The following RAB5C variants were observed in gnomAD, a reference collection of about 807,000 sequenced individuals.
The protein encoded by RAB5C is RAB5C, member RAS oncogene family, also known as ras-related protein Rab-5C.
In RAB5C, 4 loss-of-function variants were observed where a neutral mutation model predicts 25.2. The ratio of observed to expected loss-of-function variants is 0.16; its 90% CI spans 0.08 to 0.36. The LOEUF (loss-of-function observed/expected upper bound fraction) is 0.36. RAB5C is among the 10% of genes least tolerant of loss of function. The probability of loss-of-function intolerance (pLI) is 1.00; values close to 1 mark genes in which losing one functional copy is unlikely to be tolerated. For missense variants in RAB5C, 199 were observed against 283.8 expected (o/e 0.70, Z 2.15); for synonymous variants, 100 against 106.4 (o/e 0.94, Z 0.37).
intron 1 of RAB5C, among the ~76,000 whole-genome samples, chr17:42,144,725 G>A (rs1389657102): frequency 2.6e-5 from 4 of 151,612 alleles, no homozygotes; most frequent in South Asian, 2.1e-4. Flanking sequence ...TCAGGAGATC[G>A]AGACCATCCT....
In RAB5C at chr17:42,130,498, G is replaced by A; in HGVS notation, c.5C>T (p.Ala2Val). M[A>V]GRGGAARPNG... is the part of the protein sequence containing the mutation. ...GGGTCGTGCTGCGCCTCCCCGACCC[G>A]CCATTGCCCGTCCAGCTGTAGTGGT... The change falls in exon 2 of 6, where the codon GCG becomes GTG. Residue 2 changes from alanine to valine, a missense_variant. This residue lies in a region of RAB5C where 21 missense variants were observed against 20.2 expected (regional missense o/e 1.04). Coordinates refer to ENST00000346213, the MANE Select transcript of RAB5C (RefSeq NM_004583.4). 3 of 1,613,962 alleles carry A rather than the reference G, an allele frequency of 1.9e-6. No homozygotes were observed. The highest frequency in any genetic ancestry group is 2.5e-6 in the Non-Finnish European group (3 of 1,180,002).
Position 42,131,496 on chromosome 17 carries a change from A to G in RAB5C, c.-88-906T>C, listed in dbSNP as rs1187218359. 4.6e-6 allele frequency: 5 copies of G among 1,089,158 alleles called. No homozygotes were observed. In the East Asian group the frequency reaches 1.0e-4, roughly 23 times the overall value. The allele number at this position is 1,089,158 out of a possible 1,614,324, so 67.5% of individuals were successfully genotyped here. ...CACACACAGAAATACACACCAAAACAGACACCAAAACAAAACACACACCGA... is the reference window on the plus strand; with the variant it reads ...CACACACAGAAATACACACCAAAACGGACACCAAAACAAAACACACACCGA... On this transcript the variant is annotated intron_variant, in intron 1 of 5. Transcript: ENST00000346213.
At chr17:42,134,941 C>G (rs1188326783) in intron 1 of RAB5C, among the ~76,000 whole-genome samples, 2 of 151,538 alleles carry the variant, frequency 1.3e-5, no homozygotes, top group African/African-American at 4.8e-5. Context: ...GCTCTGGACA[C>G]TACAGGTCAG....
At chr17:42,151,456 G>T (rs1419575407) in intron 1 of RAB5C, among the ~76,000 whole-genome samples, 6 of 151,956 alleles carry the variant, frequency 3.9e-5, no homozygotes, top group Middle Eastern at 3.2e-3. Flanking sequence ...AAAAGAAGTA[G>T]AAGGTCTAAG....
chr17:42,142,094 G>C (rs1355636760), intron 1 of RAB5C, among the ~76,000 whole-genome samples: 3 of 151,804 alleles, frequency 2.0e-5, no homozygotes, highest in Non-Finnish European at 4.4e-5. Context: ...CAAAAATGGA[G>C]GGGAGAAACC....
At chr17:42,152,866 G>A (rs2079681315) in intron 1 of RAB5C, among the ~76,000 whole-genome samples, 1 of 152,132 alleles carries the variant, frequency 6.6e-6, no homozygotes, top group Non-Finnish European at 1.5e-5. Context: ...AGGCTGGTCG[G>A]CCTCATCCCA....
intron 1 of RAB5C, among the ~76,000 whole-genome samples, chr17:42,150,544 CAA>C (rs759878778): frequency 1.1e-3 from 21 of 19,380 alleles, no homozygotes; most frequent in African/African-American, 3.8e-3. Flanking sequence ...AACTCCATCT[CAA>C]AAAAAAAAAA....
chr17:42,138,891 G>A (rs1451923815), intron 1 of RAB5C, among the ~76,000 whole-genome samples: 1 of 152,202 alleles, frequency 6.6e-6, no homozygotes, highest in Non-Finnish European at 1.5e-5. Context: ...TCCCTTGTGT[G>A]GGAAGTCTTG....
chr17:42,126,713 C>A, intron 5 of RAB5C, 42 bp downstream of exon 5: 2 of 1,340,160 alleles, frequency 1.5e-6, no homozygotes, highest in Non-Finnish European at 2.1e-6. Flanking sequence ...GGTGATATGC[C>A]CTTGCTGTGG....
At chr17:42,135,882 C>A (rs546076276) in intron 1 of RAB5C, among the ~76,000 whole-genome samples, 1 of 152,290 alleles carries the variant, frequency 6.6e-6, no homozygotes, top group Admixed American at 6.5e-5. Flanking sequence ...GGAGAGCAAG[C>A]TGATTAGGGA....
intron 1 of RAB5C, chr17:42,137,989 G>A (rs937874674): frequency 2.0e-5 from 3 of 152,234 alleles, no homozygotes; most frequent in African/African-American, 7.2e-5. Flanking sequence ...AAGACAATGG[G>A]ATTCCTCATA....
intron 3 of RAB5C, 71 bp from the exon 4 acceptor site, chr17:42,128,454 C>T: frequency 1.3e-6 from 2 of 1,529,702 alleles, no homozygotes; most frequent in Non-Finnish European, 1.8e-6. Context: ...ATTAGAGACT[C>T]TCAAGCTGGC....
At chr17:42,144,460 A>T (rs2079620044) in intron 1 of RAB5C, among the ~76,000 whole-genome samples, 1 of 152,026 alleles carries the variant, frequency 6.6e-6, no homozygotes, top group Non-Finnish European at 1.5e-5. Flanking sequence ...TCATCTCCAA[A>T]AAATAAATAA....
At chr17:42,150,054 T>C (rs1424537623) in intron 1 of RAB5C, among the ~76,000 whole-genome samples, 2 of 151,950 alleles carry the variant, frequency 1.3e-5, no homozygotes, top group Non-Finnish European at 2.9e-5. Context: ...CTGACTAATT[T>C]TGGTATTTTT....
intron 1 of RAB5C, among the ~76,000 whole-genome samples, chr17:42,140,905 C>T (rs952383033): frequency 1.3e-5 from 2 of 151,944 alleles, no homozygotes; most frequent in Non-Finnish European, 2.9e-5. Flanking sequence ...CATAGCTTAC[C>T]GCTACCTTGA....
At chr17:42,151,108 C>T (rs1387538160) in intron 1 of RAB5C, among the ~76,000 whole-genome samples, 2 of 152,090 alleles carry the variant, frequency 1.3e-5, no homozygotes, top group East Asian at 1.9e-4. Flanking sequence ...GCCTTCCACC[C>T]GACCACACTG....
intron 1 of RAB5C, among the ~76,000 whole-genome samples, chr17:42,149,808 T>C (rs1288211364): frequency 1.3e-5 from 2 of 151,632 alleles, no homozygotes; most frequent in Non-Finnish European, 2.9e-5. Context: ...TCAAGCAATG[T>C]ACAAGGCATC....
chr17:42,145,055 C>T (rs569308423), intron 1 of RAB5C, among the ~76,000 whole-genome samples: 8 of 149,508 alleles, frequency 5.4e-5, no homozygotes, highest in Admixed American at 4.7e-4. Flanking sequence ...GGCCTGTAGT[C>T]CCAGCTACTC....
Position 42,128,634 on chromosome 17 carries a change from A to G in RAB5C, c.318+15T>C, listed in dbSNP as rs751562082. On this transcript the variant is annotated intron_variant, in intron 3 of 5. Transcript: ENST00000346213. ...AAGATGAAGGGCAAAGGAAGAAGCAAGGGGAAATCTTTACTGTGTTGGTGA... is the reference window on the plus strand; with the variant it reads ...AAGATGAAGGGCAAAGGAAGAAGCAGGGGGAAATCTTTACTGTGTTGGTGA... 6.9e-7 allele frequency: 1 copy of G among 1,458,874 alleles called. No homozygotes were observed. Among genetic ancestry groups the G allele is most frequent in the Non-Finnish European group, 9.1e-7 (1 of 1,103,510 alleles). 90.4% of individuals were successfully genotyped at this position (1,458,874 alleles called of 1,614,324 possible).
Sources: allele counts gnomAD v4.1 joint callset (sites outside exome capture counted in the v4.1 genomes callset), GRCh38; gene constraint gnomAD v4.1.1; regional missense constraint gnomAD v4.1.1; transcripts MANE v1.5; gene names NCBI Gene and HGNC (gene_info 2026-07-23, HGNC 2026-07-21).